TNFSF11: variants seen among roughly 807,000 people sequenced by gnomAD.
TNFSF11 encodes TNF superfamily member 11.
TNFSF11 carries 12 observed loss-of-function variants against 32.2 expected under a neutral mutation model. The observed-to-expected ratio is 0.37, with a 90% CI of 0.24 to 0.60. The LOEUF (loss-of-function observed/expected upper bound fraction) is 0.60, where lower values mean the gene tolerates loss of function less well. Among genes scored for constraint, TNFSF11 ranks in the 20% least tolerant of loss-of-function variants. The pLI is 0.66. For missense variants in TNFSF11, 345 were observed against 398.0 expected, an observed-to-expected ratio of 0.87 and a Z score of 1.13; for synonymous variants, 172 against 152.1, an observed-to-expected ratio of 1.13 and a Z score of -0.96.
intron 1 of TNFSF11, among the ~76,000 whole-genome samples, chr13:42,579,757 G>T (rs1288403356): frequency 3.1e-5 from 2 of 63,938 alleles, no homozygotes; most frequent in Non-Finnish European, 5.7e-5. Context: ...AACTTTCCTT[G>T]TATAAAAATT....
intron 2 of TNFSF11, among the ~76,000 whole-genome samples, chr13:42,569,035 C>A (rs186693937): frequency 5.9e-5 from 9 of 152,108 alleles, no homozygotes; most frequent in African/African-American, 2.2e-4. Context: ...GGTAAGGAAC[C>A]CAGGGGCCAG....
intron 2 of TNFSF11, among the ~76,000 whole-genome samples, chr13:42,599,970 T>C (rs549408290): frequency 6.6e-6 from 1 of 152,350 alleles, no homozygotes; most frequent in South Asian, 2.1e-4. Flanking sequence ...ATGCAGGAAC[T>C]TGAACCAAGG....
intron 2 of TNFSF11, among the ~76,000 whole-genome samples, chr13:42,587,415 C>T (rs1284652920): frequency 2.0e-5 from 3 of 152,186 alleles, no homozygotes; most frequent in Non-Finnish European, 4.4e-5. Context: ...CAGTCTCTGA[C>T]ATTCACTAAA....
At chr13:42,586,323 A>G (rs1403700820) in intron 2 of TNFSF11, among the ~76,000 whole-genome samples, 6 of 152,222 alleles carry the variant, frequency 3.9e-5, no homozygotes. Flanking sequence ...TCAATGACTT[A>G]TTGAACTCTG....
At chr13:42,588,893 T>A (rs1874029051) in intron 2 of TNFSF11, among the ~76,000 whole-genome samples, 1 of 152,162 alleles carries the variant, frequency 6.6e-6, no homozygotes, top group African/African-American at 2.4e-5. Flanking sequence ...AAGAGCTGTC[T>A]GTTTCTGAGA....
At chr13:42,584,362 C>T (rs1376723516) in intron 2 of TNFSF11, among the ~76,000 whole-genome samples, 5 of 152,146 alleles carry the variant, frequency 3.3e-5, no homozygotes, top group African/African-American at 1.2e-4. Flanking sequence ...ATAGTAATTT[C>T]TCTTGTCCTA....
At chr13:42,601,700 A>C (rs1869183550) in intron 4 of TNFSF11, among the ~76,000 whole-genome samples, 1 of 152,176 alleles carries the variant, frequency 6.6e-6, no homozygotes, top group Non-Finnish European at 1.5e-5. Context: ...CTAATGGAAC[A>C]CTTGAAGATC....
intron 2 of TNFSF11, among the ~76,000 whole-genome samples, chr13:42,583,405 G>A (rs575023102): frequency 2.5e-5 from 1 of 40,008 alleles, no homozygotes; most frequent in African/African-American, 9.9e-5. Context: ...GGGTGACATA[G>A]CAAGACCCTG....
upstream of TNFSF11, among the ~76,000 whole-genome samples, chr13:42,569,586 AAG>A (rs373285702): frequency 2.6e-5 from 4 of 151,416 alleles, no homozygotes; most frequent in Admixed American, 1.3e-4. Flanking sequence ...AGAAAAGAGA[AAG>A]AGAGAGAGAG....
intron 1 of TNFSF11, among the ~76,000 whole-genome samples, chr13:42,578,343 C>T (rs756907014): frequency 2.6e-5 from 4 of 152,162 alleles, no homozygotes; most frequent in Non-Finnish European, 4.4e-5. Flanking sequence ...CTCTGCAGTT[C>T]CTTCAGCTTA....
intron 2 of TNFSF11, among the ~76,000 whole-genome samples, chr13:42,598,386 T>C (rs1868936895): frequency 6.6e-6 from 1 of 152,232 alleles, no homozygotes; most frequent in African/African-American, 2.4e-5. Flanking sequence ...TGTGTATATA[T>C]AACCATATAA....
At chr13:42,606,464 G>C (rs920775990) in intron 4 of TNFSF11, 33 bp from the exon 5 acceptor site, 2 of 1,613,968 alleles carry the variant, frequency 1.2e-6, no homozygotes, top group Admixed American at 3.3e-5. Context: ...TTTAAGGACT[G>C]ACTTTCAAAT....
chr13:42,574,240 C>A lies in TNFSF11; in HGVS notation c.-64C>A. 1 of 1,531,960 alleles carries A rather than the reference C, an allele frequency of 6.5e-7. No individual in the cohort carries two copies. The highest frequency in any genetic ancestry group is 8.8e-7 in the Non-Finnish European group (1 of 1,134,746). The allele number at this position is 1,531,960 out of a possible 1,614,324, so 94.9% of individuals were successfully genotyped here. On this transcript the variant is annotated 5_prime_UTR_variant, in exon 1 of 5. Coordinates refer to ENST00000398795, the MANE Select transcript of TNFSF11 (RefSeq NM_003701.4). ...CTCCGCCGCAGCCTCCGGAGTTGGCCGCAGACAAGAAGGGGAGGGAGCGGG... is the reference window on the plus strand; with the variant it reads ...CTCCGCCGCAGCCTCCGGAGTTGGCAGCAGACAAGAAGGGGAGGGAGCGGG...
chr13:42,583,380 C>T (rs1395135401), intron 2 of TNFSF11, among the ~76,000 whole-genome samples: 1 of 133,110 alleles, frequency 7.5e-6, no homozygotes, highest in Non-Finnish European at 1.5e-5. Context: ...CCAGTGCACT[C>T]CAGCCTGGCA....
upstream of TNFSF11, among the ~76,000 whole-genome samples, chr13:42,572,631 C>T (rs772463508): frequency 2.5e-4 from 38 of 151,926 alleles, no homozygotes; most frequent in Non-Finnish European, 5.4e-4. Flanking sequence ...ATTTTTTGTC[C>T]CTTCTCCACC....
chr13:42,565,887 G>A (rs1412199695), intron 1 of TNFSF11, among the ~76,000 whole-genome samples: 1 of 152,014 alleles, frequency 6.6e-6, no homozygotes, highest in Non-Finnish European at 1.5e-5. Flanking sequence ...AATGATGAGA[G>A]GCTCATTTAC....
chr13:42,602,851 G>A (rs977331870), intron 4 of TNFSF11, among the ~76,000 whole-genome samples: 4 of 152,108 alleles, frequency 2.6e-5, no homozygotes, highest in Non-Finnish European at 5.9e-5. Context: ...GCATTAGACC[G>A]TTTGCCAAAG....
chr13:42,596,273 C>T (rs1349740766), intron 2 of TNFSF11, among the ~76,000 whole-genome samples: 2 of 152,070 alleles, frequency 1.3e-5, no homozygotes, highest in African/African-American at 2.4e-5. Flanking sequence ...ATGGGTTGGC[C>T]AGTTCTCAGC....
chr13:42,581,396 A>G, intron 2 of TNFSF11, 103 bp downstream of exon 2: 4 of 1,294,014 alleles, frequency 3.1e-6, no homozygotes, highest in Non-Finnish European at 4.4e-6. Flanking sequence ...TTTTTATTCT[A>G]ATAATTTGTA....
Sources: gnomAD v4.1 joint callset for allele counts (sites outside exome capture counted in the v4.1 genomes callset) on GRCh38, gnomAD v4.1.1 for gene constraint, MANE v1.5 for transcripts, NCBI Gene and HGNC (gene_info 2026-07-23, HGNC 2026-07-21) for gene names.